SLC25A21: variants seen among roughly 807,000 people sequenced by gnomAD.
The protein encoded by SLC25A21 is solute carrier family 25 member 21.
A neutral mutation model predicts 43.8 loss-of-function variants in SLC25A21; 47 were observed. The ratio of observed to expected loss-of-function variants is 1.07; its 90% CI spans 0.85 to 1.37. The LOEUF is 1.37. SLC25A21 is among the 40% of genes most tolerant of loss of function. The pLI, the probability that SLC25A21 is intolerant of heterozygous loss-of-function variation, is 0.00. For synonymous variants in SLC25A21, 131 were observed against 121.3 expected, an observed-to-expected ratio of 1.08 and a Z score of -0.52; for missense variants, 352 against 350.2, an observed-to-expected ratio of 1.00 and a Z score of -0.04.
chr14:37,048,583 A>C (rs1025347352), intron 1 of SLC25A21, among the ~76,000 whole-genome samples: 1 of 152,132 alleles, frequency 6.6e-6, no homozygotes, highest in Non-Finnish European at 1.5e-5. Context: ...ATAACCTTAG[A>C]GATGTCATAA....
chr14:36,938,305 C>G (rs1566754157), intron 1 of SLC25A21, among the ~76,000 whole-genome samples: 1 of 152,094 alleles, frequency 6.6e-6, no homozygotes, highest in Non-Finnish European at 1.5e-5. Context: ...TGTGCCAGGC[C>G]TTTAACTAAG....
At chr14:37,070,155 C>A (rs1408744895) in intron 1 of SLC25A21, among the ~76,000 whole-genome samples, 2 of 152,152 alleles carry the variant, frequency 1.3e-5, no homozygotes, top group Admixed American at 6.5e-5. Flanking sequence ...GTATTACCAT[C>A]CTAATCGGAC....
At chr14:36,741,928 T>C (rs1409580281) in intron 3 of SLC25A21, among the ~76,000 whole-genome samples, 2 of 152,354 alleles carry the variant, frequency 1.3e-5, no homozygotes, top group African/African-American at 2.4e-5. Context: ...AGAACCCAAA[T>C]GAACATCACC....
At chr14:36,997,114 C>G (rs1250871850) in intron 1 of SLC25A21, among the ~76,000 whole-genome samples, 1 of 151,924 alleles carries the variant, frequency 6.6e-6, no homozygotes, top group Non-Finnish European at 1.5e-5. Context: ...ATGTGGGAAC[C>G]CTGATGATAA....
chr14:37,085,417 C>T (rs1377851355), intron 1 of SLC25A21, among the ~76,000 whole-genome samples: 1 of 151,522 alleles, frequency 6.6e-6, no homozygotes, highest in South Asian at 2.1e-4. Context: ...TGAACAAACC[C>T]TAAAAACTAT....
chr14:36,990,350 A>G (rs1566796091), intron 1 of SLC25A21, among the ~76,000 whole-genome samples: 1 of 152,176 alleles, frequency 6.6e-6, no homozygotes, highest in Non-Finnish European at 1.5e-5. Context: ...CTTTTTGCAG[A>G]TATTCATTGA....
At chr14:36,812,100 G>A (rs1888290775) in intron 3 of SLC25A21, among the ~76,000 whole-genome samples, 1 of 151,948 alleles carries the variant, frequency 6.6e-6, no homozygotes, top group Non-Finnish European at 1.5e-5. Flanking sequence ...AAGAGAAATG[G>A]GTAAAGGACA....
chr14:36,992,444 A>T lies in SLC25A21; in HGVS notation c.71-117440T>A, dbSNP rs913557953. Among the ~76,000 whole-genome samples, 6 of 152,092 alleles carry T rather than the reference A, an allele frequency of 3.9e-5. No individual in the cohort carries two copies. The South Asian group carries it at 1.2e-3, about 31-fold the overall frequency. ...AATAAATAATAAAAAAATTTTTTTT[A>T]AAGAATAGCACTGTTTCTTGGACAC... is the stretch of plus-strand genomic sequence containing the variant. On this transcript the variant is annotated intron_variant, in intron 1 of 9. Transcript: ENST00000331299.
At chr14:37,079,066 A>G (rs552244954) in intron 1 of SLC25A21, among the ~76,000 whole-genome samples, 113 of 152,298 alleles carry the variant, frequency 7.4e-4, no homozygotes, top group African/African-American at 2.6e-3. Context: ...TCTTTAAATC[A>G]TCACTTCAAA....
rs1243353182 is a variant in SLC25A21, at chr14:37,088,687, G to C, written c.70+83594C>G. ...CTGACAGTCATCCATCAAACTGAAG[G>C]TCTCCTTAATAAATGCCAATTACAG... On this transcript the variant is annotated intron_variant, in intron 1 of 9. Coordinates refer to ENST00000331299, the MANE Select transcript of SLC25A21 (RefSeq NM_030631.4). Among the ~76,000 whole-genome samples, 7 of 152,198 alleles carry C rather than the reference G, an allele frequency of 4.6e-5. No homozygotes were observed. The East Asian group carries it at 1.3e-3, about 29-fold the overall frequency.
chr14:36,973,676 T>C (rs563169704), intron 1 of SLC25A21, among the ~76,000 whole-genome samples: 8 of 152,346 alleles, frequency 5.3e-5, no homozygotes, highest in African/African-American at 1.4e-4. Flanking sequence ...AATAGGTTTT[T>C]CACTAGGACA....
At chr14:36,691,817 C>A (rs938626772) in intron 7 of SLC25A21, among the ~76,000 whole-genome samples, 3 of 152,134 alleles carry the variant, frequency 2.0e-5, no homozygotes, top group Admixed American at 6.5e-5. Context: ...ATCTATGGAT[C>A]TTTTCCTCTA....
chr14:37,096,772 T>G (rs1221424880), intron 1 of SLC25A21, among the ~76,000 whole-genome samples: 3 of 152,162 alleles, frequency 2.0e-5, no homozygotes, highest in Non-Finnish European at 4.4e-5. Flanking sequence ...TCATTTTCTG[T>G]GTTATCTTGT....
At chr14:37,022,689 A>C (rs1412432950) in intron 1 of SLC25A21, among the ~76,000 whole-genome samples, 1 of 151,932 alleles carries the variant, frequency 6.6e-6, no homozygotes, top group African/African-American at 2.4e-5. Flanking sequence ...TATTACCCTA[A>C]CCATTAATTA....
chr14:36,777,331 CA>C (rs1276245290), intron 3 of SLC25A21, among the ~76,000 whole-genome samples: 1 of 152,056 alleles, frequency 6.6e-6, no homozygotes, highest in Non-Finnish European at 1.5e-5. Context: ...AATAAACAAA[CA>C]AACAAAAACA....
chr14:36,715,616 C>T (rs773245850), intron 6 of SLC25A21, among the ~76,000 whole-genome samples: 4 of 152,180 alleles, frequency 2.6e-5, no homozygotes, highest in Non-Finnish European at 5.9e-5. Context: ...TGACTGCACC[C>T]AATCTGAAAA....
intron 3 of SLC25A21, among the ~76,000 whole-genome samples, chr14:36,786,647 A>AT (rs1213656919): frequency 2.0e-5 from 3 of 152,028 alleles, no homozygotes; most frequent in African/African-American, 4.8e-5. Flanking sequence ...AATCACTCTA[A>AT]TTTTTTTTCT....
intron 1 of SLC25A21, among the ~76,000 whole-genome samples, chr14:36,899,344 A>T (rs932858043): frequency 3.3e-5 from 5 of 152,264 alleles, no homozygotes; most frequent in African/African-American, 9.6e-5. Context: ...AAAGCATATC[A>T]TGATGTCTAA....
chr14:36,779,751 A>C (rs1422638135), intron 3 of SLC25A21, among the ~76,000 whole-genome samples: 1 of 151,068 alleles, frequency 6.6e-6, no homozygotes, highest in Non-Finnish European at 1.5e-5. Flanking sequence ...TAATGTTGCA[A>C]TGAACATGGA....
Sources: gnomAD v4.1 joint callset for allele counts (sites outside exome capture counted in the v4.1 genomes callset) on GRCh38, gnomAD v4.1.1 for gene constraint, MANE v1.5 for transcripts, NCBI Gene and HGNC (gene_info 2026-07-23, HGNC 2026-07-21) for gene names.